The following COL26A1 variants were observed in gnomAD, a reference collection of about 807,000 sequenced individuals.
COL26A1 encodes collagen type XXVI alpha 1 chain, also known as collagen alpha-1(XXVI) chain.
A neutral mutation model predicts 59.3 loss-of-function variants in COL26A1; 41 were observed. That is an observed-to-expected ratio of 0.69 (90% CI 0.54 to 0.90). The LOEUF (loss-of-function observed/expected upper bound fraction) is 0.90. Among genes scored for constraint, COL26A1 ranks in the 40% least tolerant of loss-of-function variants. The probability of loss-of-function intolerance (pLI) is 0.00; values close to 1 mark genes in which losing one functional copy is unlikely to be tolerated. For synonymous variants in COL26A1, 266 were observed against 256.0 expected, an observed-to-expected ratio of 1.04 and a Z score of -0.37; for missense variants, 612 against 602.3, an observed-to-expected ratio of 1.02 and a Z score of -0.17.
At chr7:101,413,306 G>A (rs1217679052) in intron 1 of COL26A1, among the ~76,000 whole-genome samples, 1 of 152,172 alleles carries the variant, frequency 6.6e-6, no homozygotes, top group East Asian at 1.9e-4. Flanking sequence ...ATCACTTGAG[G>A]TCAGGAGTTC....
chr7:101,397,401 TTTC>T (rs1449517307), intron 1 of COL26A1, among the ~76,000 whole-genome samples: 9 of 151,732 alleles, frequency 5.9e-5, no homozygotes, highest in African/African-American at 2.2e-4. Flanking sequence ...TTTTTTTATC[TTTC>T]TTTTTTCTCT....
intron 1 of COL26A1, among the ~76,000 whole-genome samples, chr7:101,381,222 G>C (rs1381928459): frequency 6.6e-6 from 1 of 152,132 alleles, no homozygotes; most frequent in Admixed American, 6.6e-5. Flanking sequence ...GCCTTTTCCA[G>C]CTTCTAGAAT....
intron 3 of COL26A1, among the ~76,000 whole-genome samples, chr7:101,450,630 A>C (rs1010725211): frequency 3.3e-5 from 5 of 150,254 alleles, no homozygotes; most frequent in Non-Finnish European, 7.4e-5. Flanking sequence ...TATATATATA[A>C]TATGTGTATT....
chr7:101,390,303 G>A (rs1791698850), intron 1 of COL26A1, among the ~76,000 whole-genome samples: 1 of 151,336 alleles, frequency 6.6e-6, no homozygotes, highest in African/African-American at 2.4e-5. Context: ...TTACAGGTGT[G>A]TGCCACCTGT....
At chr7:101,516,483 C>T (rs531424587) in intron 3 of COL26A1, among the ~76,000 whole-genome samples, 1 of 152,120 alleles carries the variant, frequency 6.6e-6, no homozygotes, top group African/African-American at 2.4e-5. Context: ...GGTTGCCCCA[C>T]CTAGTCTCAA....
Position 101,362,964 on chromosome 7 carries a change from C to T in COL26A1, c.-69C>T, listed in dbSNP as rs1790929878. ...TCCCGGCCGGTGCCGCGGGTTCGGT[C>T]CGGGCGCCGGTGCGCTCCTGCCGGT... On this transcript the variant is annotated 5_prime_UTR_variant, in exon 1 of 13. Coordinates refer to ENST00000313669, the MANE Select transcript of COL26A1 (RefSeq NM_001278563.3). The T allele has an allele frequency of 5.4e-6, 8 of 1,476,100 alleles. No homozygotes were observed. Among genetic ancestry groups the T allele is most frequent in the East Asian group, 2.7e-5 (1 of 37,614 alleles). The allele number at this position is 1,476,100 out of a possible 1,614,324, so 91.4% of individuals were successfully genotyped here. A position where few individuals can be genotyped will look rare whatever the true frequency, so the allele number is the denominator to read the frequency against.
In COL26A1 at chr7:101,385,809, A is replaced by G. The variant is rs529994785; in HGVS notation, c.158+22619A>G. Among the ~76,000 whole-genome samples, 12 of 152,036 alleles carry G rather than the reference A, an allele frequency of 7.9e-5. No individual in the cohort carries two copies. In the East Asian group the frequency reaches 2.3e-3, roughly 29 times the overall value. ...AAACTCTGCCTCCCAGGTTCACGCC[A>G]TTCTCCTGCCTCAGCCTCCCAAGTA... On this transcript the variant is annotated intron_variant, in intron 1 of 12. Transcript: ENST00000313669.
In COL26A1 at chr7:101,428,058, A is replaced by G. The variant is rs865800750; in HGVS notation, c.281+7959A>G. 3.3e-5 allele frequency among the ~76,000 whole-genome samples: 5 copies of G among 152,204 alleles called. No individual in the cohort carries two copies. In the South Asian group the frequency reaches 8.3e-4, roughly 25 times the overall value. ...CTAGATTTATTGTCATGATAACACAAGAAAGAGAAAGGGGAAAGTGTCTTC... is the reference window on the plus strand; with the variant it reads ...CTAGATTTATTGTCATGATAACACAGGAAAGAGAAAGGGGAAAGTGTCTTC... On this transcript the variant is annotated intron_variant, in intron 2 of 12. Transcript: ENST00000313669.
intron 3 of COL26A1, among the ~76,000 whole-genome samples, chr7:101,458,669 T>C (rs1306834578): frequency 3.3e-5 from 5 of 151,482 alleles, no homozygotes; most frequent in Admixed American, 2.0e-4. Flanking sequence ...AAAGAAATGG[T>C]ACTCTATAGT....
chr7:101,553,868 G>T (rs889575612), intron 11 of COL26A1, among the ~76,000 whole-genome samples: 2 of 152,228 alleles, frequency 1.3e-5, no homozygotes, highest in Admixed American at 1.3e-4. Flanking sequence ...GAGGAGAGAA[G>T]ATTGGAGCAA....
intron 4 of COL26A1, among the ~76,000 whole-genome samples, chr7:101,535,365 C>T (rs945650521): frequency 9.2e-5 from 14 of 152,214 alleles, no homozygotes; most frequent in Admixed American, 6.5e-4. Flanking sequence ...TTCCTAGTAC[C>T]GGAAGCCTCT....
chr7:101,483,155 TA>T (rs1794191227), intron 3 of COL26A1, among the ~76,000 whole-genome samples: 1 of 151,984 alleles, frequency 6.6e-6, no homozygotes, highest in African/African-American at 2.4e-5. Flanking sequence ...ATTTAGTCAC[TA>T]CATTTGTCTC....
intron 3 of COL26A1, among the ~76,000 whole-genome samples, chr7:101,489,837 T>C (rs1405819090): frequency 2.0e-4 from 4 of 19,950 alleles, no homozygotes; most frequent in Non-Finnish European, 3.2e-4. Flanking sequence ...TTTCTTTCTT[T>C]CTTTCTTTCT....
chr7:101,465,691 CAAAAAAAA>C (rs539721605), intron 3 of COL26A1, among the ~76,000 whole-genome samples: 8 of 102,660 alleles, frequency 7.8e-5, no homozygotes, highest in Admixed American at 1.1e-4. Context: ...GAAACTGTCT[CAAAAAAAA>C]AAAAAAAAAA....
At chr7:101,454,045 T>C (rs1171302519) in intron 3 of COL26A1, among the ~76,000 whole-genome samples, 2 of 152,106 alleles carry the variant, frequency 1.3e-5, no homozygotes, top group Admixed American at 1.3e-4. Context: ...CATTTCGTGT[T>C]TGTGAATTCA....
intron 2 of COL26A1, 47 bp from the exon 3 acceptor site, chr7:101,447,637 G>A: frequency 7.8e-7 from 1 of 1,277,136 alleles, no homozygotes; most frequent in Non-Finnish European, 1.1e-6. Flanking sequence ...GGGTCTGGAG[G>A]TGGGTGGGTG....
intron 3 of COL26A1, among the ~76,000 whole-genome samples, chr7:101,485,206 T>C (rs1794242186): frequency 6.6e-6 from 1 of 151,894 alleles, no homozygotes; most frequent in Non-Finnish European, 1.5e-5. Flanking sequence ...AAGAGAAGCA[T>C]ACATGGAGGA....
intron 3 of COL26A1, among the ~76,000 whole-genome samples, chr7:101,474,237 A>G (rs1285061074): frequency 6.6e-6 from 1 of 152,220 alleles, no homozygotes; most frequent in Non-Finnish European, 1.5e-5. Context: ...ATCCTACACC[A>G]GAAACCGGGC....
chr7:101,476,801 C>G (rs181414523), intron 3 of COL26A1, among the ~76,000 whole-genome samples: 207 of 151,364 alleles, frequency 1.4e-3, no homozygotes, highest in Non-Finnish European at 2.0e-3. Context: ...CCCACCTCGG[C>G]CTCCCAAAGT....
Sources: gnomAD v4.1 joint callset for allele counts (sites outside exome capture counted in the v4.1 genomes callset) on GRCh38, gnomAD v4.1.1 for gene constraint, MANE v1.5 for transcripts, NCBI Gene and HGNC (gene_info 2026-07-23, HGNC 2026-07-21) for gene names.